Variants in DPH6 observed in about 807,000 individuals in gnomAD.
The protein encoded by DPH6 is diphthine--ammonia ligase.
Under a neutral mutation model 38.2 loss-of-function variants are expected in DPH6, and 33 were observed. The observed-to-expected ratio is 0.86, with a 90% CI of 0.65 to 1.15. The LOEUF is 1.15. Among genes scored for constraint, DPH6 ranks in the 50% most tolerant of loss-of-function variants. The probability of loss-of-function intolerance (pLI) is 0.00; values close to 1 mark genes in which losing one functional copy is unlikely to be tolerated. For missense variants in DPH6, 325 were observed against 320.0 expected (o/e 1.02, Z -0.12); for synonymous variants, 108 against 103.0 (o/e 1.05, Z -0.30).
At chr15:35,170,883 T>C in the DPH6 span, among the ~76,000 whole-genome samples, 1 of 152,218 alleles carries the variant, frequency 6.6e-6, no homozygotes, top group Non-Finnish European at 1.5e-5. Context: ...ATGATGTTGC[T>C]CCACAATCTG....
chr15:35,418,851 A>G (rs766414854), intron 5 of DPH6, among the ~76,000 whole-genome samples: 7 of 152,064 alleles, frequency 4.6e-5, no homozygotes, highest in East Asian at 1.9e-4. Context: ...ACATCACAAA[A>G]TGGTTAACAA....
At chr15:35,164,148 T>C in the DPH6 span, among the ~76,000 whole-genome samples, 10 of 151,978 alleles carry the variant, frequency 6.6e-5, no homozygotes, top group East Asian at 1.9e-3. Context: ...TGGAAACTGA[T>C]GTAAAAAATT....
intron 3 of DPH6, among the ~76,000 whole-genome samples, chr15:35,459,250 T>G (rs2054033265): frequency 1.3e-5 from 2 of 152,182 alleles, no homozygotes; most frequent in African/African-American, 2.4e-5. Flanking sequence ...CTTCTCTTCC[T>G]GCCTTGTAGA....
chr15:35,166,817 T>C, the DPH6 span, among the ~76,000 whole-genome samples: 2 of 151,962 alleles, frequency 1.3e-5, no homozygotes, highest in African/African-American at 4.8e-5. Context: ...GCTACTGAGA[T>C]GAGGCATTGG....
At chr15:35,155,463 A>G in the DPH6 span, among the ~76,000 whole-genome samples, 3 of 152,226 alleles carry the variant, frequency 2.0e-5, no homozygotes, top group African/African-American at 7.2e-5. Flanking sequence ...TGAAATGATT[A>G]GAAAGTACCA....
chr15:35,490,833 G>T (rs868598691), intron 3 of DPH6, among the ~76,000 whole-genome samples: 1 of 152,036 alleles, frequency 6.6e-6, no homozygotes, highest in African/African-American at 2.4e-5. Context: ...ATCACAGACT[G>T]GGTGATTTAT....
chr15:35,360,475 TG>T (rs2052604449), intron 3 of DPH6, among the ~76,000 whole-genome samples: 1 of 152,044 alleles, frequency 6.6e-6, no homozygotes, highest in Non-Finnish European at 1.5e-5. Context: ...CCACAATAGA[TG>T]GGGGATAGAG....
chr15:35,537,345 C>T (rs1392939653), intron 3 of DPH6, among the ~76,000 whole-genome samples: 1 of 152,012 alleles, frequency 6.6e-6, no homozygotes, highest in Non-Finnish European at 1.5e-5. Flanking sequence ...TGAAAAATGG[C>T]AAGACATCAA....
intron 3 of DPH6, among the ~76,000 whole-genome samples, chr15:35,289,082 A>G (rs2051962393): frequency 6.6e-6 from 1 of 152,184 alleles, no homozygotes; most frequent in Non-Finnish European, 1.5e-5. Context: ...AATGAAGATT[A>G]AAATCAAACT....
intron 3 of DPH6, among the ~76,000 whole-genome samples, chr15:35,476,737 C>T (rs138086521): frequency 1.1e-3 from 174 of 151,808 alleles, no homozygotes; most frequent in Non-Finnish European, 2.1e-3. Flanking sequence ...AGGTGCAAGA[C>T]AAAGTGACTT....
chr15:35,180,086 T>C, the DPH6 span, among the ~76,000 whole-genome samples: 1 of 152,078 alleles, frequency 6.6e-6, no homozygotes, highest in African/African-American at 2.4e-5. Flanking sequence ...TGCATGAAAA[T>C]ATTAAACATT....
chr15:35,369,621 G>GAA (rs4041272), downstream of DPH6, among the ~76,000 whole-genome samples: 36,104 of 129,910 alleles, frequency 0.28, 4,730 homozygotes, highest in South Asian at 0.39. Context: ...CCTGTTATAT[G>GAA]AAAAAAAAAA....
intron 3 of DPH6, among the ~76,000 whole-genome samples, chr15:35,293,395 C>T (rs1228497984): frequency 6.6e-6 from 1 of 152,162 alleles, no homozygotes; most frequent in African/African-American, 2.4e-5. Context: ...CATTGAAATT[C>T]ATATCATCAC....
the DPH6 span, among the ~76,000 whole-genome samples, chr15:35,193,784 T>C: frequency 6.6e-6 from 1 of 152,132 alleles, no homozygotes; most frequent in Non-Finnish European, 1.5e-5. Context: ...AAATAATTAG[T>C]CAATACTAAA....
At chr15:35,423,949 C>T (rs1040838813) in intron 5 of DPH6, among the ~76,000 whole-genome samples, 10 of 151,630 alleles carry the variant, frequency 6.6e-5, no homozygotes, top group African/African-American at 2.2e-4. Flanking sequence ...TATGCCAGTG[C>T]CATTCTGTTT....
At chr15:35,321,503 T>C (rs970616091) in intron 3 of DPH6, among the ~76,000 whole-genome samples, 7 of 152,232 alleles carry the variant, frequency 4.6e-5, no homozygotes, top group African/African-American at 1.7e-4. Flanking sequence ...AGGGGAGCAA[T>C]AGTGACTGTG....
At chr15:35,302,138 C>T (rs1463889479) in intron 3 of DPH6, among the ~76,000 whole-genome samples, 1 of 152,004 alleles carries the variant, frequency 6.6e-6, no homozygotes, top group African/African-American at 2.4e-5. Flanking sequence ...ACAAATCAAA[C>T]TGAATACCAA....
At chr15:35,214,038 C>G (rs986482916), downstream of DPH6, among the ~76,000 whole-genome samples, 17 of 150,794 alleles carry the variant, frequency 1.1e-4, no homozygotes, top group South Asian at 4.2e-4. Context: ...CGTGAACCCG[C>G]GAGACAGAGC....
At chr15:35,301,776 C>T (rs889253576) in intron 3 of DPH6, among the ~76,000 whole-genome samples, 14 of 152,042 alleles carry the variant, frequency 9.2e-5, no homozygotes, top group African/African-American at 2.2e-4. Flanking sequence ...AGTTTGAGAC[C>T]GGCCTGGCTA....
Sources: gnomAD v4.1 joint callset for allele counts (sites outside exome capture counted in the v4.1 genomes callset) on GRCh38, gnomAD v4.1.1 for gene constraint, MANE v1.5 for transcripts, NCBI Gene and HGNC (gene_info 2026-07-23, HGNC 2026-07-21) for gene names.